NUDCD1: variants seen among roughly 807,000 people sequenced by gnomAD.
The protein encoded by NUDCD1 is nudC domain-containing protein 1.
Under a neutral mutation model 67.8 loss-of-function variants are expected in NUDCD1, and 60 were observed. That is an observed-to-expected ratio of 0.88 (90% CI 0.72 to 1.10). The LOEUF (loss-of-function observed/expected upper bound fraction) is 1.10. NUDCD1 is among the 50% of genes least tolerant of loss of function. The pLI is 0.00. For synonymous variants in NUDCD1, 244 were observed against 230.8 expected (o/e 1.06, Z -0.52); for missense variants, 643 against 695.0 (o/e 0.93, Z 0.84).
intron 8 of NUDCD1, among the ~76,000 whole-genome samples, chr8:109,270,170 A>AT (rs1470173982): frequency 6.6e-6 from 1 of 151,776 alleles, no homozygotes; most frequent in Non-Finnish European, 1.5e-5. Flanking sequence ...AATGAGCTGA[A>AT]TAAAAAACAT....
intron 3 of NUDCD1, among the ~76,000 whole-genome samples, chr8:109,295,463 T>C (rs1814821764): frequency 6.6e-6 from 1 of 152,202 alleles, no homozygotes; most frequent in Admixed American, 6.6e-5. Flanking sequence ...GTAAATAGGC[T>C]ACTGCTGTTC....
chr8:109,281,314 CTT>C (rs1266298787), intron 5 of NUDCD1, 142 bp from the exon 6 acceptor site: 3 of 543,876 alleles, frequency 5.5e-6, no homozygotes, highest in Non-Finnish European at 9.7e-6. Flanking sequence ...GCACAGATCT[CTT>C]TGAGGAATTT....
Position 109,293,496 on chromosome 8 carries a change from G to C in NUDCD1, c.488C>G (p.Pro163Arg). 2 of 1,556,668 alleles carry C rather than the reference G, an allele frequency of 1.3e-6. No individual in the cohort carries two copies. Among genetic ancestry groups the C allele is most frequent in the Middle Eastern group, 1.7e-4 (1 of 5,836 alleles). ...EIMFNEELGD[P>R]FIIIHSISLL... ...TGAGATACTGTGAATTATAATAAAAGGATCCCCAAGTTCTTCATTAAACAT... is the reference window on the plus strand; with the variant it reads ...TGAGATACTGTGAATTATAATAAAACGATCCCCAAGTTCTTCATTAAACAT... Residue 163 changes from proline (P) to arginine (R), a missense_variant, in exon 4 of 10, where the codon CCT (proline) becomes CGT (arginine). Pro to Arg is a moderately radical substitution (Grantham distance 103). Transcript: ENST00000239690.
intron 4 of NUDCD1, among the ~76,000 whole-genome samples, chr8:109,290,337 G>T (rs1814682869): frequency 6.6e-6 from 1 of 152,076 alleles, no homozygotes; most frequent in African/African-American, 2.4e-5. Flanking sequence ...TTATTAGACA[G>T]CAGTACCCCA....
intron 2 of NUDCD1, among the ~76,000 whole-genome samples, chr8:109,312,343 T>C (rs1425420259): frequency 8.1e-6 from 1 of 122,712 alleles, no homozygotes; most frequent in Non-Finnish European, 1.8e-5. Flanking sequence ...TGGTATAAAA[T>C]AATGGATTAA....
chr8:109,309,940 T>G (rs145318491), intron 2 of NUDCD1, among the ~76,000 whole-genome samples: 93 of 151,014 alleles, frequency 6.2e-4, no homozygotes, highest in African/African-American at 2.1e-3. Context: ...GAAAGACCTA[T>G]ACAAGGAAAA....
At chr8:109,302,514 A>T (rs1418149919) in intron 2 of NUDCD1, among the ~76,000 whole-genome samples, 1 of 151,798 alleles carries the variant, frequency 6.6e-6, no homozygotes, top group Non-Finnish European at 1.5e-5. Context: ...GCCAGGTCCC[A>T]ACTCTTCTTC....
At chr8:109,292,976 T>A (rs1392788715) in intron 4 of NUDCD1, among the ~76,000 whole-genome samples, 1 of 152,060 alleles carries the variant, frequency 6.6e-6, no homozygotes, top group Non-Finnish European at 1.5e-5. Flanking sequence ...TATTTACATT[T>A]AAATTATACT....
intron 6 of NUDCD1, among the ~76,000 whole-genome samples, chr8:109,279,428 G>C (rs1422987816): frequency 2.0e-5 from 3 of 151,990 alleles, no homozygotes; most frequent in Non-Finnish European, 1.5e-5. Flanking sequence ...CAAATAATTT[G>C]ACCATTTAAA....
chr8:109,284,295 T>G (rs534273355), intron 5 of NUDCD1, among the ~76,000 whole-genome samples: 3 of 152,222 alleles, frequency 2.0e-5, no homozygotes, highest in Admixed American at 2.0e-4. Context: ...TAAAAACAAG[T>G]ACTTCTAGAC....
chr8:109,287,569 A>G (rs978337898), intron 5 of NUDCD1, among the ~76,000 whole-genome samples: 4 of 152,202 alleles, frequency 2.6e-5, no homozygotes, highest in Admixed American at 6.5e-5. Context: ...GACCTCACTT[A>G]TAAGTGTGAG....
chr8:109,275,424 C>T lies in NUDCD1; in HGVS notation c.1101G>A (p.Gly367=). 6.2e-7 allele frequency: 1 copy of T among 1,613,680 alleles called. No homozygotes were observed. The highest frequency in any genetic ancestry group is 8.5e-7 in the Non-Finnish European group (1 of 1,179,712). ...ACTGGGCTGAATCTCTTATAAGTTC[C>T]CCTTGTTTATCTCCAATTACTAGCT... The part of the protein sequence containing the change: ...WPELVIGDKQ[G]ELIRDSAQCA... Residue 367 remains glycine, a synonymous_variant, in exon 7 of 10, where the codon GGG becomes GGA. Transcript: ENST00000239690.
chr8:109,329,741 T>C, intron 1 of NUDCD1: 1 of 1,421,848 alleles, frequency 7.0e-7, no homozygotes, highest in Non-Finnish European at 9.6e-7. Context: ...AAATTTGTAG[T>C]TTATTGTCAA....
At chr8:109,244,695 TTC>T (rs1188606779) in intron 9 of NUDCD1, among the ~76,000 whole-genome samples, 3 of 152,190 alleles carry the variant, frequency 2.0e-5, no homozygotes, top group Non-Finnish European at 2.9e-5. Flanking sequence ...CATAAAAAAT[TTC>T]TGTCACACAA....
At chr8:109,333,255 A>G (rs1815855565) in intron 1 of NUDCD1, among the ~76,000 whole-genome samples, 1 of 152,366 alleles carries the variant, frequency 6.6e-6, no homozygotes, top group Middle Eastern at 3.4e-3. Flanking sequence ...TCTGGGCTCT[A>G]TCATAACGAA....
intron 1 of NUDCD1, among the ~76,000 whole-genome samples, chr8:109,324,468 T>A (rs1815620861): frequency 6.6e-6 from 1 of 151,414 alleles, no homozygotes. Context: ...GGAATGTAAA[T>A]TAGTATAGCC....
chr8:109,297,358 A>G (rs974422459), intron 2 of NUDCD1, among the ~76,000 whole-genome samples: 2 of 152,204 alleles, frequency 1.3e-5, no homozygotes, highest in Non-Finnish European at 2.9e-5. Flanking sequence ...TAAAGTTATG[A>G]GTTGCTGCTA....
intron 2 of NUDCD1, among the ~76,000 whole-genome samples, chr8:109,305,129 C>A (rs1815073955): frequency 6.6e-6 from 1 of 151,996 alleles, no homozygotes. Flanking sequence ...TTGTTCAGGC[C>A]CCCTCCCTTC....
chr8:109,295,432 C>T (rs1814821173), intron 3 of NUDCD1, among the ~76,000 whole-genome samples: 1 of 152,168 alleles, frequency 6.6e-6, no homozygotes, highest in African/African-American at 2.4e-5. Context: ...ATATCTGAAA[C>T]TGTGAATGCA....
Sources: allele counts gnomAD v4.1 joint callset (sites outside exome capture counted in the v4.1 genomes callset), GRCh38; gene constraint gnomAD v4.1.1; transcripts MANE v1.5; gene names NCBI Gene and HGNC (gene_info 2026-07-23, HGNC 2026-07-21).